Variants in SLC39A11 observed in about 807,000 individuals in gnomAD.
SLC39A11 encodes the protein solute carrier family 39 member 11, also known as zinc transporter ZIP11.
In SLC39A11, 33 loss-of-function variants were observed where a neutral mutation model predicts 36.1. That is an observed-to-expected ratio of 0.91 (90% CI 0.69 to 1.22). SLC39A11 has a LOEUF of 1.22. Among genes scored for constraint, SLC39A11 ranks in the 50% most tolerant of loss-of-function variants. SLC39A11 has a pLI of 0.00. For missense variants in SLC39A11, 432 were observed against 430.3 expected (o/e 1.00, Z -0.03); for synonymous variants, 166 against 170.3 (o/e 0.97, Z 0.20).
intron 3 of SLC39A11, among the ~76,000 whole-genome samples, chr17:73,072,693 T>A (rs1211703212): frequency 6.6e-6 from 1 of 152,142 alleles, no homozygotes; most frequent in Non-Finnish European, 1.5e-5. Context: ...CCCAGAGGAA[T>A]CGGGAGTCAG....
intron 4 of SLC39A11, among the ~76,000 whole-genome samples, chr17:72,961,997 G>A (rs1292843372): frequency 1.3e-5 from 2 of 152,150 alleles, no homozygotes; most frequent in Non-Finnish European, 2.9e-5. Context: ...CTTTATACAT[G>A]GCATCACTCA....
At chr17:72,657,465 T>C (rs2070184990) in intron 7 of SLC39A11, among the ~76,000 whole-genome samples, 1 of 152,134 alleles carries the variant, frequency 6.6e-6, no homozygotes, top group Non-Finnish European at 1.5e-5. Context: ...CTACAGAAGA[T>C]CACTTGACTG....
At chr17:72,797,244 A>T (rs1194820524) in intron 6 of SLC39A11, among the ~76,000 whole-genome samples, 1 of 152,090 alleles carries the variant, frequency 6.6e-6, no homozygotes, top group Non-Finnish European at 1.5e-5. Context: ...TAATAATAAT[A>T]AATAATAGTA....
rs7220265 is a variant in SLC39A11 at position 72,752,852 on chromosome 17, G to T, written c.602-16133C>A. ...ATCTTTGTTTCTGGAGTTTTTGTTG[G>T]TGGTGGTGTTGTTTTGATTTTTGAG... is the stretch of plus-strand genomic sequence containing the variant. On this transcript the variant is annotated intron_variant, in intron 6 of 9. Transcript: ENST00000255559. 8.5e-3 allele frequency among the ~76,000 whole-genome samples: 1,293 copies of T among 152,072 alleles called. 19 individuals are homozygous for T. The highest frequency in any genetic ancestry group is 0.03 in the African/African-American group (1,226 of 41,474).
chr17:72,976,758 G>A (rs1273642955), intron 4 of SLC39A11, among the ~76,000 whole-genome samples: 1 of 152,008 alleles, frequency 6.6e-6, no homozygotes, highest in African/African-American at 2.4e-5. Context: ...GCTGAGGCAG[G>A]AGAATCACTT....
chr17:73,037,952 G>A (rs1373687387), intron 3 of SLC39A11, among the ~76,000 whole-genome samples: 2 of 152,388 alleles, frequency 1.3e-5, no homozygotes, highest in East Asian at 1.9e-4. Flanking sequence ...GCAGGGCACA[G>A]GGGCTTACGC....
rs200335479 is a variant in SLC39A11 at position 72,940,896 on chromosome 17, G to A, written c.430+6856C>T. Among the ~76,000 whole-genome samples, 15 of 152,294 alleles carry A rather than the reference G, an allele frequency of 9.8e-5. No individual in the cohort carries two copies. In the East Asian group the frequency reaches 2.9e-3, roughly 29 times the overall value. ...CCAGTACCTAAGAATGTAACTGTAA[G>A]GGAGATAGGATTTTTAAAGTGTTAA... is the stretch of plus-strand genomic sequence containing the variant. On this transcript the variant is annotated intron_variant, in intron 5 of 9. Transcript: ENST00000255559.
chr17:72,978,857 C>A (rs2088072035), intron 4 of SLC39A11, among the ~76,000 whole-genome samples: 1 of 152,206 alleles, frequency 6.6e-6, no homozygotes, highest in Admixed American at 6.5e-5. Flanking sequence ...GGCACGCCAA[C>A]TCTGGTAAGG....
intron 4 of SLC39A11, among the ~76,000 whole-genome samples, chr17:72,973,549 A>G (rs988298595): frequency 1.7e-4 from 26 of 152,258 alleles, no homozygotes; most frequent in African/African-American, 6.0e-4. Context: ...TAGAAAGACA[A>G]AAGGATAAGT....
In SLC39A11 at chr17:72,846,000, ATC is replaced by A. The variant is rs796515825; in HGVS notation, c.601+3632_601+3633del. Reference sequence around the variant, plus strand: ...GAGAATCCATCTTTCAAACCAATGAATCTCTCTCTCTCTCTCTCTTTTTTTTT... The same window carrying A: ...GAGAATCCATCTTTCAAACCAATGAATCTCTCTCTCTCTCTCTTTTTTTTT... On this transcript the variant is annotated intron_variant, in intron 6 of 9. Coordinates refer to ENST00000255559, the MANE Select transcript of SLC39A11 (RefSeq NM_139177.4). 1.5e-3 allele frequency among the ~76,000 whole-genome samples: 199 copies of A among 132,420 alleles called. 5 individuals are homozygous for A. Among genetic ancestry groups the A allele is most frequent in the Non-Finnish European group, 2.2e-3 (141 of 64,506 alleles). The allele number at this position is 132,420 out of a possible 152,430, so 86.9% of individuals were successfully genotyped here. A position where few individuals can be genotyped will look rare whatever the true frequency, so the allele number is the denominator to read the frequency against.
At chr17:72,828,996 A>G (rs1169185435) in intron 6 of SLC39A11, among the ~76,000 whole-genome samples, 1 of 152,146 alleles carries the variant, frequency 6.6e-6, no homozygotes, top group Non-Finnish European at 1.5e-5. Context: ...TTCTATTTTC[A>G]AAAGTTAGGT....
At chr17:72,854,340 C>T (rs371307057) in intron 5 of SLC39A11, among the ~76,000 whole-genome samples, 4 of 151,906 alleles carry the variant, frequency 2.6e-5, no homozygotes, top group African/African-American at 9.7e-5. Context: ...GGAGAAAAGG[C>T]TGAACTGCTC....
At chr17:73,002,978 A>G (rs1206914444) in intron 4 of SLC39A11, among the ~76,000 whole-genome samples, 1 of 152,108 alleles carries the variant, frequency 6.6e-6, no homozygotes, top group Non-Finnish European at 1.5e-5. Context: ...CCTGGAGACA[A>G]TCCAGCATTA....
intron 5 of SLC39A11, among the ~76,000 whole-genome samples, chr17:72,898,678 C>A (rs1359338921): frequency 1.3e-5 from 2 of 152,168 alleles, no homozygotes; most frequent in Non-Finnish European, 2.9e-5. Flanking sequence ...CATGCACATA[C>A]ATGTATACAT....
intron 7 of SLC39A11, among the ~76,000 whole-genome samples, chr17:72,689,924 G>A (rs56155039): frequency 0.59 from 89,373 of 152,084 alleles, 26,782 homozygotes; most frequent in South Asian, 0.69. Flanking sequence ...TCACTTCCAA[G>A]TGGCTAATTT....
chr17:72,811,553 G>T (rs2077435926), intron 6 of SLC39A11, among the ~76,000 whole-genome samples: 1 of 152,226 alleles, frequency 6.6e-6, no homozygotes, highest in South Asian at 2.1e-4. Context: ...TAACTGAGAT[G>T]CTGTATCTAA....
intron 7 of SLC39A11, among the ~76,000 whole-genome samples, chr17:72,722,431 T>C (rs778454530): frequency 6.6e-6 from 1 of 152,140 alleles, no homozygotes; most frequent in Non-Finnish European, 1.5e-5. Flanking sequence ...AACGGATTAG[T>C]TTGTATCAAG....
At chr17:72,928,361 A>G (rs2084178096) in intron 5 of SLC39A11, among the ~76,000 whole-genome samples, 1 of 152,232 alleles carries the variant, frequency 6.6e-6, no homozygotes, top group African/African-American at 2.4e-5. Context: ...AAAGAAAACC[A>G]TGAATCCTGG....
intron 6 of SLC39A11, among the ~76,000 whole-genome samples, chr17:72,831,271 GAA>G (rs776504366): frequency 1.3e-5 from 2 of 152,174 alleles, no homozygotes; most frequent in Non-Finnish European, 2.9e-5. Flanking sequence ...AAGAGGGAGA[GAA>G]GAGAGCTGAT....
Sources: allele counts gnomAD v4.1 joint callset (sites outside exome capture counted in the v4.1 genomes callset), GRCh38; gene constraint gnomAD v4.1.1; transcripts MANE v1.5; gene names NCBI Gene and HGNC (gene_info 2026-07-23, HGNC 2026-07-21).